The following FBXO34 variants were observed in gnomAD, a reference collection of about 807,000 sequenced individuals.
FBXO34 encodes the protein F-box only protein 34.
FBXO34 carries 12 observed loss-of-function variants against 24.5 expected under a neutral mutation model. The observed-to-expected ratio is 0.49, with a 90% CI of 0.31 to 0.79. The LOEUF is 0.79. Ranked by LOEUF, FBXO34 falls within the 30% of genes least tolerant of loss-of-function variation. The probability of loss-of-function intolerance (pLI) is 0.04; values close to 1 mark genes in which losing one functional copy is unlikely to be tolerated. For synonymous variants in FBXO34, 320 were observed against 311.9 expected (o/e 1.03, Z -0.27); for missense variants, 823 against 857.7 (o/e 0.96, Z 0.51).
At chr14:55,442,997 T>C in the FBXO34 span, among the ~76,000 whole-genome samples, 1 of 152,206 alleles carries the variant, frequency 6.6e-6, no homozygotes. Context: ...ACCTTGATCT[T>C]GGACTTCCAG....
downstream of FBXO34, among the ~76,000 whole-genome samples, chr14:55,372,561 C>CCCTTTCTTTCCATCCTTTCTT: frequency 6.6e-6 from 1 of 151,180 alleles, no homozygotes; most frequent in African/African-American, 2.4e-5. Flanking sequence ...CTTTCTCCCT[C>CCCTTTCTTTCCATCCTTTCTT]CCTCCCTTCT....
the FBXO34 span, among the ~76,000 whole-genome samples, chr14:55,415,162 T>G: frequency 2.0e-5 from 3 of 152,244 alleles, no homozygotes; most frequent in Non-Finnish European, 4.4e-5. Context: ...CTAAGGGTCA[T>G]GTACTTGTAC....
chr14:55,338,144 G>T lies in FBXO34; in HGVS notation c.-10-12237G>T, dbSNP rs189574303. Among the ~76,000 whole-genome samples the T allele has an allele frequency of 5.4e-3, 785 of 145,706 alleles. 6 individuals carry two copies. The highest frequency in any genetic ancestry group is 9.0e-3 in the Non-Finnish European group (608 of 67,340). On this transcript the variant is annotated intron_variant, in intron 1 of 1. Transcript: ENST00000313833. ...AGCTCACTGCAACCTCTGCCTCCCG[G>T]ATTCAAGCAATTCTCCTGCCTCAGT...
At chr14:55,370,531 C>T (rs1884790318), downstream of FBXO34, among the ~76,000 whole-genome samples, 1 of 152,182 alleles carries the variant, frequency 6.6e-6, no homozygotes, top group South Asian at 2.1e-4. Flanking sequence ...CTCAAAGGTC[C>T]CTAATAACAC....
At chr14:55,371,814 CA>C (rs999427813), downstream of FBXO34, among the ~76,000 whole-genome samples, 2 of 150,336 alleles carry the variant, frequency 1.3e-5, no homozygotes, top group Non-Finnish European at 3.0e-5. Flanking sequence ...AAAAAACAAA[CA>C]AAAAAACAAA....
At chr14:55,327,991 C>G (rs1487374177) in intron 1 of FBXO34, among the ~76,000 whole-genome samples, 1 of 123,448 alleles carries the variant, frequency 8.1e-6, no homozygotes, top group Non-Finnish European at 1.6e-5. Flanking sequence ...TGGTGGTGGT[C>G]TCAGCTCACT....
chr14:55,399,816 T>A, the FBXO34 span, among the ~76,000 whole-genome samples: 2 of 152,242 alleles, frequency 1.3e-5, no homozygotes, highest in Non-Finnish European at 1.5e-5. Context: ...CTTTGAGGTC[T>A]GTTGTAAAAA....
At chr14:55,280,527 C>CTTTTTTTTTTT (rs77678519) in intron 1 of FBXO34, among the ~76,000 whole-genome samples, 2 of 125,910 alleles carry the variant, frequency 1.6e-5, no homozygotes, top group African/African-American at 3.1e-5. Context: ...ATATCAGGAA[C>CTTTTTTTTTTT]TTTTTTTTTT....
chr14:55,329,740 T>C (rs1883470066), intron 1 of FBXO34, among the ~76,000 whole-genome samples: 1 of 152,164 alleles, frequency 6.6e-6, no homozygotes, highest in African/African-American at 2.4e-5. Flanking sequence ...GTAATTTGAT[T>C]TCTCTGATTA....
At chr14:55,429,313 A>C in the FBXO34 span, among the ~76,000 whole-genome samples, 1 of 152,216 alleles carries the variant, frequency 6.6e-6, no homozygotes, top group Non-Finnish European at 1.5e-5. Context: ...TCACCTGGGA[A>C]CTTGTTAGAA....
chr14:55,349,853 T>TG (rs1421667132), intron 1 of FBXO34, among the ~76,000 whole-genome samples: 1 of 152,034 alleles, frequency 6.6e-6, no homozygotes, highest in Non-Finnish European at 1.5e-5. Context: ...GTGATACGCC[T>TG]GCCTTGTCCT....
intron 1 of FBXO34, among the ~76,000 whole-genome samples, chr14:55,293,336 C>A (rs1230160087): frequency 6.6e-6 from 1 of 152,050 alleles, no homozygotes; most frequent in African/African-American, 2.4e-5. Flanking sequence ...TGCCACCACA[C>A]CCAGCTAATT....
chr14:55,420,729 T>C, the FBXO34 span, among the ~76,000 whole-genome samples: 1 of 133,956 alleles, frequency 7.5e-6, no homozygotes, highest in Non-Finnish European at 1.5e-5. Context: ...ACTTCTGTGA[T>C]TTGAAACTGG....
chr14:55,415,293 C>T, the FBXO34 span, among the ~76,000 whole-genome samples: 1 of 152,118 alleles, frequency 6.6e-6, no homozygotes, highest in African/African-American at 2.4e-5. Flanking sequence ...CAACTGTTAG[C>T]ATGAAGAGAA....
chr14:55,440,593 C>T, the FBXO34 span: 1 of 1,530,704 alleles, frequency 6.5e-7, no homozygotes, highest in East Asian at 2.3e-5. Context: ...GCCCAGGTTC[C>T]TGCAGAGGGC....
intron 1 of FBXO34, among the ~76,000 whole-genome samples, chr14:55,320,625 G>GT (rs1437440817): frequency 6.6e-6 from 1 of 152,186 alleles, no homozygotes; most frequent in Non-Finnish European, 1.5e-5. Context: ...GGGTGTGGTA[G>GT]TGGGCGCCTG....
chr14:55,355,415 C>T (rs1884505791), downstream of FBXO34, among the ~76,000 whole-genome samples: 1 of 152,144 alleles, frequency 6.6e-6, no homozygotes, highest in African/African-American at 2.4e-5. Flanking sequence ...ACCACATGCC[C>T]CTCTTCTTGT....
chr14:55,351,451 G>C lies in FBXO34; in HGVS notation c.1061G>C (p.Arg354Thr), dbSNP rs2140091792. 6.2e-7 allele frequency: 1 copy of C among 1,614,206 alleles called. No individual in the cohort carries two copies. Among genetic ancestry groups the C allele is most frequent in the Middle Eastern group, 1.6e-4 (1 of 6,062 alleles). Residue 354 changes from arginine (R) to threonine (T), a missense_variant, in exon 2 of 2, where the codon AGA (arginine) becomes ACA (threonine). Physicochemically the swap from Arg to Thr is moderately conservative, Grantham distance 71. Around this residue, in one of 2 missense-constraint regions of FBXO34, gnomAD observed 693 missense variants for 659.1 expected, o/e 1.05. Coordinates refer to ENST00000313833, the MANE Select transcript of FBXO34 (RefSeq NM_017943.4). ...GSVSVDCGPS[R>T]ADRCSPKEDQ... ...GTATCTGTGGATTGTGGCCCTTCAA[G>C]AGCTGATCGTTGTTCTCCTAAGGAG...
At position 55,298,632 on chromosome 14, in the gene FBXO34, G is replaced by T; in HGVS notation, c.-11+27095G>T. Reference sequence around the variant, plus strand: ...CAGCCGGAGCGGGCGTTGAAGGCTGGCGCGGCGAGCGCTGTTCGGGGCTGG... The same window carrying T: ...CAGCCGGAGCGGGCGTTGAAGGCTGTCGCGGCGAGCGCTGTTCGGGGCTGG... On this transcript the variant is annotated intron_variant, in intron 1 of 1. Transcript: ENST00000313833. The T allele has an allele frequency of 5.2e-6, 7 of 1,351,146 alleles. No individual in the cohort carries two copies. The South Asian group carries it at 9.1e-5, about 18-fold the overall frequency. The allele number at this position is 1,351,146 out of a possible 1,614,324, so 83.7% of individuals were successfully genotyped here. A position where few individuals can be genotyped will look rare whatever the true frequency, so the allele number is the denominator to read the frequency against.
Sources: gnomAD v4.1 joint callset for allele counts (sites outside exome capture counted in the v4.1 genomes callset) on GRCh38, gnomAD v4.1.1 for gene constraint, gnomAD v4.1.1 regional missense constraint, MANE v1.5 for transcripts, NCBI Gene and HGNC (gene_info 2026-07-23, HGNC 2026-07-21) for gene names.